Variants in MAN2B2 observed in about 807,000 individuals in gnomAD.
The protein encoded by MAN2B2 is mannosidase alpha class 2B member 2, also known as epididymis-specific alpha-mannosidase.
In MAN2B2, 106 loss-of-function variants were observed where a neutral mutation model predicts 117.1. That is an observed-to-expected ratio of 0.90 (90% confidence interval 0.77 to 1.06). The LOEUF (loss-of-function observed/expected upper bound fraction) is 1.06. MAN2B2 is among the 50% of genes least tolerant of loss of function. The pLI, the probability that MAN2B2 is intolerant of heterozygous loss-of-function variation, is 0.00. For synonymous variants in MAN2B2, 544 were observed against 595.1 expected (o/e 0.91, Z 1.25); for missense variants, 1,326 against 1,381.4 (o/e 0.96, Z 0.64).
chr4:6,605,197 G>A lies in MAN2B2; in HGVS notation c.1682G>A (p.Ser561Asn). The change falls in exon 11 of 19, where the codon AGC (serine) becomes AAC (asparagine). Residue 561 changes from serine (S) to asparagine (N), a missense_variant. By Grantham distance (46) the Ser-to-Asn change is conservative. Coordinates refer to ENST00000285599, the MANE Select transcript of MAN2B2 (RefSeq NM_015274.3). ...CAGGAGCCGGCTGCCACTGTGGCGA[G>A]CACCCTTCAATTTGGCCGCAGGCTG... ...GTQEPAATVA[S>N]TLQFGRRLRR... 6.2e-7 allele frequency: 1 copy of A among 1,614,208 alleles called. No homozygotes were observed. The highest frequency in any genetic ancestry group is 8.5e-7 in the Non-Finnish European group (1 of 1,180,042).
intron 17 of MAN2B2, 69 bp downstream of exon 17, chr4:6,617,561 T>C: frequency 6.3e-7 from 1 of 1,587,580 alleles, no homozygotes; most frequent in Non-Finnish European, 8.6e-7. Flanking sequence ...CCCAAGAAAC[T>C]GCCTTGGCAA....
At chr4:6,589,913 C>T (rs1726789441) in intron 5 of MAN2B2, among the ~76,000 whole-genome samples, 1 of 151,902 alleles carries the variant, frequency 6.6e-6, no homozygotes. Flanking sequence ...GAACCTATCT[C>T]TACAAAAACT....
Position 6,617,432 on chromosome 4 carries a change from C to T in MAN2B2, c.2754C>T (p.Tyr918=). Reference sequence around the variant, plus strand: ...TCCGCCGTGTCCTGCTGCGGCTCTACCACCTATATGAAGTGGGCGAGGACC... The same window carrying T: ...TCCGCCGTGTCCTGCTGCGGCTCTATCACCTATATGAAGTGGGCGAGGACC... The part of the protein sequence containing the change: ...ADLRRVLLRL[Y]HLYEVGEDPV... Residue 918 remains tyrosine, a synonymous_variant, in exon 17 of 19, where the codon TAC becomes TAT. Coordinates refer to ENST00000285599, the MANE Select transcript of MAN2B2 (RefSeq NM_015274.3). The T allele has an allele frequency of 1.9e-6, 3 of 1,614,166 alleles. No homozygotes were observed. Among genetic ancestry groups the T allele is most frequent in the Non-Finnish European group, 2.5e-6 (3 of 1,180,018 alleles).
chr4:6,578,965 C>A (rs1301495702), intron 3 of MAN2B2, among the ~76,000 whole-genome samples: 4 of 133,638 alleles, frequency 3.0e-5, no homozygotes, highest in Non-Finnish European at 5.0e-5. Context: ...CTACTACCAT[C>A]ACCACCACCA....
intron 3 of MAN2B2, among the ~76,000 whole-genome samples, chr4:6,585,020 C>T (rs1326835243): frequency 2.0e-5 from 3 of 152,136 alleles, no homozygotes; most frequent in Non-Finnish European, 4.4e-5. Context: ...CCTCCTTCAT[C>T]CTGCAGCTGG....
At chr4:6,585,650 G>A (rs1267556908) in intron 3 of MAN2B2, among the ~76,000 whole-genome samples, 1 of 152,220 alleles carries the variant, frequency 6.6e-6, no homozygotes, top group Non-Finnish European at 1.5e-5. Flanking sequence ...TACAGCTCCT[G>A]TGGGTGAAGA....
chr4:6,599,919 C>A (rs909337564), intron 9 of MAN2B2, among the ~76,000 whole-genome samples: 6 of 152,332 alleles, frequency 3.9e-5, no homozygotes, highest in African/African-American at 1.2e-4. Flanking sequence ...GCTTCACTGC[C>A]AGGTGGGGAC....
chr4:6,597,534 T>G (rs1043774185), intron 8 of MAN2B2, among the ~76,000 whole-genome samples: 4 of 152,222 alleles, frequency 2.6e-5, no homozygotes, highest in African/African-American at 9.6e-5. Context: ...TGTAGCAGTT[T>G]AGCAAAAGGG....
At chr4:6,580,200 AGAAGGAGGCG>A (rs1726373725) in intron 3 of MAN2B2, among the ~76,000 whole-genome samples, 1 of 152,172 alleles carries the variant, frequency 6.6e-6, no homozygotes, top group Non-Finnish European at 1.5e-5. Context: ...CCCTTCCATG[AGAAGGAGGCG>A]TGATGGACAC....
chr4:6,607,668 C>G (rs1472993460), intron 11 of MAN2B2, among the ~76,000 whole-genome samples: 1 of 152,218 alleles, frequency 6.6e-6, no homozygotes, highest in East Asian at 1.9e-4. Flanking sequence ...GTTTTAGCCA[C>G]TATCAATAAT....
chr4:6,621,733 C>A lies in MAN2B2; in HGVS notation c.*448C>A, dbSNP rs1712185732. ...TCATAGACTCATCCCATGCTGGCAA[C>A]AGCCCTGCAAGGGGCTTGGCTCTGC... On this transcript the variant is annotated 3_prime_UTR_variant, in exon 19 of 19. Coordinates refer to ENST00000285599, the MANE Select transcript of MAN2B2 (RefSeq NM_015274.3). 6.5e-6 allele frequency: 1 copy of A among 154,402 alleles called. No individual in the cohort carries two copies. 9.6% of individuals were successfully genotyped at this position (154,402 alleles called of 1,614,324 possible). A position where few individuals can be genotyped will look rare whatever the true frequency, so the allele number is the denominator to read the frequency against.
intron 1 of MAN2B2, 48 bp downstream of exon 1, chr4:6,575,396 C>T: frequency 7.2e-7 from 1 of 1,391,340 alleles, no homozygotes; most frequent in Non-Finnish European, 9.5e-7. Context: ...CAGCTTCCCT[C>T]TCCCCGCGGG....
chr4:6,619,851 C>T, intron 17 of MAN2B2, 76 bp from the exon 18 acceptor site: 5 of 1,346,246 alleles, frequency 3.7e-6, no homozygotes, highest in Non-Finnish European at 5.3e-6. Flanking sequence ...GTGTGTCTGC[C>T]CTGCTGCTGT....
chr4:6,606,802 A>G (rs982327404), intron 11 of MAN2B2, among the ~76,000 whole-genome samples: 1 of 152,176 alleles, frequency 6.6e-6, no homozygotes, highest in Non-Finnish European at 1.5e-5. Flanking sequence ...CGAAGGGCAT[A>G]GGGGAGGTTG....
Position 6,610,863 on chromosome 4 carries a change from G to A in MAN2B2, c.2260-17G>A, listed in dbSNP as rs759804859. 1.4e-5 allele frequency: 23 copies of A among 1,612,706 alleles called. No homozygotes were observed. Among genetic ancestry groups the A allele is most frequent in the Middle Eastern group, 1.7e-4 (1 of 6,060 alleles). On this transcript the variant is annotated splice_polypyrimidine_tract_variant and intron_variant, in intron 13 of 18. Coordinates refer to ENST00000285599, the MANE Select transcript of MAN2B2 (RefSeq NM_015274.3). ...CCTTTGCCCCAATCGCCCACCTGGC[G>A]ATGTTTCTGTCTGCAGAATTACTAC...
At position 6,578,507 on chromosome 4, in the gene MAN2B2, A is replaced by G. The variant is rs774517133; in HGVS notation, c.391+9A>G. 6.2e-7 allele frequency: 1 copy of G among 1,610,286 alleles called. No individual in the cohort carries two copies. The highest frequency in any genetic ancestry group is 8.5e-7 in the Non-Finnish European group (1 of 1,178,054). ...GATCCTGCAGCTCACAGGTTTGGCCACCCTACCCTGCACCCAGGGTCCCTC... is the reference window on the plus strand; with the variant it reads ...GATCCTGCAGCTCACAGGTTTGGCCGCCCTACCCTGCACCCAGGGTCCCTC... On this transcript the variant is annotated intron_variant, in intron 3 of 18. Transcript: ENST00000285599.
Position 6,593,100 on chromosome 4 carries a change from A to G in MAN2B2, c.681-73A>G, listed in dbSNP as rs10937747. 0.95 allele frequency: 1,387,627 copies of G among 1,459,066 alleles called. 660,741 individuals carry two copies. Among genetic ancestry groups the G allele is most frequent in the East Asian group, 1 (40,728 of 40,738 alleles). The allele number at this position is 1,459,066 out of a possible 1,614,324, so 90.4% of individuals were successfully genotyped here. On this transcript the variant is annotated intron_variant, in intron 5 of 18. Transcript: ENST00000285599. ...GCCAAGGTCCCAAGGCTGGGAGAAC[A>G]TGGCACTTGGGTGTGAGCCCTGGCT...
At chr4:6,595,979 T>C (rs1312201343) in intron 7 of MAN2B2, among the ~76,000 whole-genome samples, 1 of 152,044 alleles carries the variant, frequency 6.6e-6, no homozygotes. Context: ...GATGTGGGTG[T>C]GGTTATAGTC....
intron 3 of MAN2B2, among the ~76,000 whole-genome samples, chr4:6,583,809 C>G (rs1434393696): frequency 1.3e-5 from 2 of 152,218 alleles, no homozygotes; most frequent in Admixed American, 6.5e-5. Flanking sequence ...ACTTTATAGG[C>G]TGGTCCCCTT....
Sources: gnomAD v4.1 joint callset for allele counts (sites outside exome capture counted in the v4.1 genomes callset) on GRCh38, gnomAD v4.1.1 for gene constraint, MANE v1.5 for transcripts, NCBI Gene and HGNC (gene_info 2026-07-23, HGNC 2026-07-21) for gene names.